CLVS1: variants seen among roughly 807,000 people sequenced by gnomAD.
CLVS1 encodes clavesin 1, also known as clavesin-1.
In CLVS1, 10 loss-of-function variants were observed where a neutral mutation model predicts 33.1. That is an observed-to-expected ratio of 0.30 (90% CI 0.19 to 0.51). CLVS1 has a LOEUF of 0.51. Ranked by LOEUF, CLVS1 falls within the 20% of genes least tolerant of loss-of-function variation. The pLI is 0.97. For synonymous variants in CLVS1, 163 were observed against 166.1 expected (o/e 0.98, Z 0.14); for missense variants, 343 against 433.4 (o/e 0.79, Z 1.85).
chr8:61,468,544 A>G (rs1039560216), intron 5 of CLVS1, among the ~76,000 whole-genome samples: 5 of 152,100 alleles, frequency 3.3e-5, no homozygotes, highest in Non-Finnish European at 7.4e-5. Context: ...ATGCTACTCC[A>G]GTGATTGAAA....
At chr8:61,014,686 G>A in the CLVS1 span, among the ~76,000 whole-genome samples, 1 of 152,238 alleles carries the variant, frequency 6.6e-6, no homozygotes, top group African/African-American at 2.4e-5. Flanking sequence ...TTTGAATAAG[G>A]AAGATTTAAG....
At chr8:61,045,043 T>C in the CLVS1 span, among the ~76,000 whole-genome samples, 1 of 152,150 alleles carries the variant, frequency 6.6e-6, no homozygotes, top group Non-Finnish European at 1.5e-5. Context: ...CAGGGCATGA[T>C]CAATGGGCTC....
chr8:61,395,679 T>C (rs1025890593), intron 3 of CLVS1, among the ~76,000 whole-genome samples: 1 of 152,030 alleles, frequency 6.6e-6, no homozygotes, highest in Non-Finnish European at 1.5e-5. Flanking sequence ...TGGGGTGGGG[T>C]CTAAGAGTCT....
intron 1 of CLVS1, among the ~76,000 whole-genome samples, chr8:61,288,403 C>T (rs1008350191): frequency 1.4e-4 from 21 of 152,226 alleles, no homozygotes; most frequent in Admixed American, 1.3e-4. Context: ...TAGCCACCAT[C>T]ACCAGCGCGG....
At chr8:61,247,744 T>C (rs992186773) in intron 2 of CLVS1, among the ~76,000 whole-genome samples, 1 of 152,048 alleles carries the variant, frequency 6.6e-6, no homozygotes, top group Non-Finnish European at 1.5e-5. Flanking sequence ...TTCTGTAGAC[T>C]GTCTGTTGAT....
At chr8:61,051,987 C>T in the CLVS1 span, among the ~76,000 whole-genome samples, 1 of 152,260 alleles carries the variant, frequency 6.6e-6, no homozygotes, top group Non-Finnish European at 1.5e-5. Flanking sequence ...ACTGTGCCAT[C>T]CGGCCATGGC....
At chr8:61,373,021 A>AGCT (rs1362724389) in intron 2 of CLVS1, among the ~76,000 whole-genome samples, 1 of 152,230 alleles carries the variant, frequency 6.6e-6, no homozygotes, top group Non-Finnish European at 1.5e-5. Context: ...CACAATGCTC[A>AGCT]GCTCACTTAT....
At chr8:61,192,772 C>T (rs1317490092) in intron 2 of CLVS1, among the ~76,000 whole-genome samples, 4 of 152,158 alleles carry the variant, frequency 2.6e-5, no homozygotes, top group Non-Finnish European at 5.9e-5. Flanking sequence ...TGAAAAAATG[C>T]TCATCATCAC....
chr8:61,072,110 T>C (rs1804807083), intron 1 of CLVS1, among the ~76,000 whole-genome samples: 1 of 152,182 alleles, frequency 6.6e-6, no homozygotes, highest in Admixed American at 6.5e-5. Flanking sequence ...GAGTGATGGA[T>C]GCTTTTCTCC....
At chr8:61,339,049 A>G (rs927392329) in intron 2 of CLVS1, among the ~76,000 whole-genome samples, 12 of 151,318 alleles carry the variant, frequency 7.9e-5, no homozygotes, top group South Asian at 4.2e-4. Context: ...GAGGAGGCTG[A>G]GGATGCTTTG....
At chr8:61,028,043 A>G in the CLVS1 span, among the ~76,000 whole-genome samples, 3 of 152,244 alleles carry the variant, frequency 2.0e-5, no homozygotes, top group Non-Finnish European at 4.4e-5. Context: ...GTGTAAAAAT[A>G]TGATACATTT....
chr8:61,122,569 AACACAC>A (rs4033855), intron 1 of CLVS1, among the ~76,000 whole-genome samples: 30,788 of 144,524 alleles, frequency 0.21, 3,472 homozygotes, highest in African/African-American at 0.29. Context: ...ATATTAAGAA[AACACAC>A]ACACACACAC....
upstream of CLVS1, among the ~76,000 whole-genome samples, chr8:61,055,266 G>A (rs577069629): frequency 1.8e-3 from 275 of 152,244 alleles, 1 homozygote; most frequent in African/African-American, 6.3e-3. Context: ...GAGAAAAACC[G>A]TCTTAAACAC....
chr8:61,483,506 C>A (rs1005762448), intron 5 of CLVS1, among the ~76,000 whole-genome samples: 2 of 152,172 alleles, frequency 1.3e-5, no homozygotes, highest in African/African-American at 4.8e-5. Flanking sequence ...TGAATTCTAC[C>A]AGAGGTACAA....
At chr8:61,046,306 C>G in the CLVS1 span, among the ~76,000 whole-genome samples, 253 of 146,894 alleles carry the variant, frequency 1.7e-3, 3 homozygotes, top group Middle Eastern at 3.4e-3. Flanking sequence ...TGTAGATATG[C>G]GGCATTATTT....
chr8:61,455,027 CT>C (rs1015400452), intron 4 of CLVS1, among the ~76,000 whole-genome samples: 4 of 152,162 alleles, frequency 2.6e-5, no homozygotes, highest in Admixed American at 2.6e-4. Context: ...GCTCTCTTTT[CT>C]TTTTTTCCCA....
At chr8:61,169,204 C>G (rs1806942945) in intron 2 of CLVS1, among the ~76,000 whole-genome samples, 1 of 152,114 alleles carries the variant, frequency 6.6e-6, no homozygotes, top group Non-Finnish European at 1.5e-5. Flanking sequence ...TGGCAGGGCA[C>G]AGAGACTGAT....
At chr8:61,168,626 A>G (rs934186546) in intron 2 of CLVS1, among the ~76,000 whole-genome samples, 8 of 152,250 alleles carry the variant, frequency 5.3e-5, no homozygotes, top group African/African-American at 1.9e-4. Flanking sequence ...GTCTGGCTGC[A>G]AATCTCCAAA....
At chr8:61,320,297 G>A (rs988850928) in intron 2 of CLVS1, among the ~76,000 whole-genome samples, 9 of 151,072 alleles carry the variant, frequency 6.0e-5, no homozygotes, top group Non-Finnish European at 8.9e-5. Flanking sequence ...TGCTATTTAT[G>A]TGCTTTTTGT....
Sources: gnomAD v4.1 joint callset for allele counts (sites outside exome capture counted in the v4.1 genomes callset) on GRCh38, gnomAD v4.1.1 for gene constraint, MANE v1.5 for transcripts, NCBI Gene and HGNC (gene_info 2026-07-23, HGNC 2026-07-21) for gene names.